ZFHX3: variants seen among roughly 807,000 people sequenced by gnomAD.
ZFHX3 encodes the protein zinc finger homeobox protein 3.
In ZFHX3, 42 loss-of-function variants were observed where a neutral mutation model predicts 279.1. The ratio of observed to expected loss-of-function variants is 0.15; its 90% CI spans 0.12 to 0.19. ZFHX3 has a LOEUF of 0.19. Ranked by LOEUF, ZFHX3 falls within the 10% of genes least tolerant of loss-of-function variation. ZFHX3 has a pLI of 1.00. For missense variants in ZFHX3, 4,981 were observed against 4,754.0 expected (o/e 1.05, Z -1.40); for synonymous variants, 2,293 against 1,957.8 (o/e 1.17, Z -4.52).
chr16:73,036,386 G>A (rs1026855089), intron 1 of ZFHX3, among the ~76,000 whole-genome samples: 5 of 152,290 alleles, frequency 3.3e-5, no homozygotes, highest in East Asian at 3.9e-4. Context: ...TCCAGCAGCC[G>A]GATTAGCACA....
At chr16:73,120,924 G>A (rs1006247422) in intron 7 of ZFHX3, among the ~76,000 whole-genome samples, 1 of 151,934 alleles carries the variant, frequency 6.6e-6, no homozygotes, top group African/African-American at 2.4e-5. Flanking sequence ...AGAGTGCTGG[G>A]ATTACAGGTG....
At chr16:73,339,045 T>G (rs950854059) in intron 3 of ZFHX3, among the ~76,000 whole-genome samples, 4 of 152,242 alleles carry the variant, frequency 2.6e-5, no homozygotes, top group South Asian at 2.1e-4. Flanking sequence ...CTATGCTTCA[T>G]GTACAGCCTG....
At chr16:73,133,867 C>A (rs776836719) in intron 6 of ZFHX3, among the ~76,000 whole-genome samples, 27 of 152,158 alleles carry the variant, frequency 1.8e-4, no homozygotes, top group Admixed American at 4.6e-4. Flanking sequence ...TTTTAGCCCT[C>A]CCACAAGTGC....
At chr16:73,026,995 A>AACT (rs1203513045) in intron 1 of ZFHX3, among the ~76,000 whole-genome samples, 3 of 152,238 alleles carry the variant, frequency 2.0e-5, no homozygotes, top group African/African-American at 7.2e-5. Flanking sequence ...TTCTCACTGC[A>AACT]ACTACTCACC....
intron 1 of ZFHX3, among the ~76,000 whole-genome samples, chr16:73,001,200 A>G (rs916799179): frequency 2.6e-5 from 4 of 152,182 alleles, no homozygotes; most frequent in African/African-American, 9.7e-5. Context: ...CCCCATTGTG[A>G]GCTGCTCTGT....
intron 2 of ZFHX3, among the ~76,000 whole-genome samples, chr16:73,497,688 A>G (rs761145609): frequency 6.2e-4 from 95 of 152,192 alleles, no homozygotes; most frequent in Non-Finnish European, 1.1e-3. Context: ...AAAAGAAAAA[A>G]GAACTGGAAA....
At chr16:73,174,920 G>A (rs574499586) in intron 5 of ZFHX3, among the ~76,000 whole-genome samples, 14 of 149,522 alleles carry the variant, frequency 9.4e-5, no homozygotes, top group Admixed American at 5.3e-4. Flanking sequence ...TGCAATCCCA[G>A]CTACTCGGGA....
intron 1 of ZFHX3, among the ~76,000 whole-genome samples, chr16:73,868,421 G>A (rs541258877): frequency 6.6e-5 from 10 of 152,362 alleles, no homozygotes; most frequent in African/African-American, 2.2e-4. Flanking sequence ...CTACTCGGGA[G>A]GCCGAGACAG....
intron 2 of ZFHX3, among the ~76,000 whole-genome samples, chr16:73,612,328 A>G (rs1289224136): frequency 2.6e-5 from 4 of 152,352 alleles, no homozygotes; most frequent in Non-Finnish European, 4.4e-5. Context: ...TAGGCAAACA[A>G]TAGCAGCTGC....
rs771442408 is a variant in ZFHX3 at position 72,788,242 on chromosome 16, C to T, written c.10034G>A (p.Ser3345Asn). 4 of 1,614,104 alleles carry T rather than the reference C, an allele frequency of 2.5e-6. No homozygotes were observed. In the South Asian group the frequency reaches 3.3e-5, roughly 13 times the overall value. Residue 3345 changes from serine to asparagine, a missense_variant, in exon 10 of 10, where the codon AGC becomes AAC. Physicochemically the swap from Ser to Asn is conservative, Grantham distance 46. Transcript: ENST00000268489. ...CATCAGGGCCTGCGACAGTGCAGGG[C>T]TGTAGGGGAACAGGCCTTCCATGCC... ...MYGMEGLFPY[S>N]PALSQALMGL...
chr16:73,150,127 C>T (rs1966904547), intron 5 of ZFHX3, among the ~76,000 whole-genome samples: 1 of 152,166 alleles, frequency 6.6e-6, no homozygotes, highest in Non-Finnish European at 1.5e-5. Flanking sequence ...GTAGAACAGA[C>T]ACAACCGCAG....
chr16:72,891,340 C>G (rs2038769389), intron 3 of ZFHX3, among the ~76,000 whole-genome samples: 1 of 152,184 alleles, frequency 6.6e-6, no homozygotes, highest in African/African-American at 2.4e-5. Context: ...TCTGGGGTAT[C>G]AGAACAGAAG....
At chr16:73,455,420 A>G (rs193204146) in intron 3 of ZFHX3, among the ~76,000 whole-genome samples, 5 of 152,160 alleles carry the variant, frequency 3.3e-5, no homozygotes, top group African/African-American at 1.2e-4. Context: ...AACATACATG[A>G]TGGTTCTACA....
chr16:72,862,470 T>A (rs1369522342), intron 4 of ZFHX3, among the ~76,000 whole-genome samples: 1 of 152,184 alleles, frequency 6.6e-6, no homozygotes. Flanking sequence ...TGATAAGGAG[T>A]AGCCCAGCTA....
chr16:73,031,367 C>T (rs1387606480), intron 1 of ZFHX3, among the ~76,000 whole-genome samples: 2 of 152,072 alleles, frequency 1.3e-5, no homozygotes, highest in African/African-American at 4.8e-5. Context: ...ACGAAGTTCC[C>T]GAGTGTTTCT....
intron 3 of ZFHX3, among the ~76,000 whole-genome samples, chr16:73,342,940 G>C (rs2016061195): frequency 6.6e-6 from 1 of 152,142 alleles, no homozygotes; most frequent in Non-Finnish European, 1.5e-5. Flanking sequence ...AGAGAGTTCT[G>C]ACCAGGTACC....
chr16:73,257,311 G>C (rs979464173), intron 4 of ZFHX3, among the ~76,000 whole-genome samples: 11 of 152,148 alleles, frequency 7.2e-5, no homozygotes, highest in African/African-American at 2.7e-4. Flanking sequence ...ACTTTGTGTC[G>C]CCATTGTCAG....
intron 2 of ZFHX3, among the ~76,000 whole-genome samples, chr16:73,487,247 C>A (rs148865258): frequency 2.8e-4 from 42 of 152,192 alleles, no homozygotes; most frequent in African/African-American, 9.2e-4. Flanking sequence ...AGGTGAGAGA[C>A]GTTAATAACA....
At chr16:73,293,651 G>C (rs569003473) in intron 4 of ZFHX3, among the ~76,000 whole-genome samples, 23 of 152,336 alleles carry the variant, frequency 1.5e-4, no homozygotes, top group African/African-American at 5.5e-4. Context: ...CAAAGAGACA[G>C]ACTAAAGCCC....
Sources: gnomAD v4.1 joint callset for allele counts (sites outside exome capture counted in the v4.1 genomes callset) on GRCh38, gnomAD v4.1.1 for gene constraint, MANE v1.5 for transcripts, NCBI Gene and HGNC (gene_info 2026-07-23, HGNC 2026-07-21) for gene names.